The following SPACA7 variants were observed in gnomAD, a reference collection of about 807,000 sequenced individuals.
The protein encoded by SPACA7 is sperm acrosome associated 7, also known as sperm acrosome-associated protein 7.
Under a neutral mutation model 26.3 loss-of-function variants are expected in SPACA7, and 19 were observed. The ratio of observed to expected loss-of-function variants is 0.72; its 90% CI spans 0.50 to 1.06. SPACA7 has a LOEUF of 1.06. Among genes scored for constraint, SPACA7 ranks in the 50% least tolerant of loss-of-function variants. SPACA7 has a pLI of 0.00. For synonymous variants in SPACA7, 84 were observed against 84.5 expected (o/e 0.99, Z 0.04); for missense variants, 211 against 229.9 (o/e 0.92, Z 0.53).
intron 1 of SPACA7, among the ~76,000 whole-genome samples, chr13:112,382,833 C>CA (rs2138864221): frequency 6.6e-6 from 1 of 151,850 alleles, no homozygotes; most frequent in East Asian, 1.9e-4. Flanking sequence ...ACTAAAAACA[C>CA]AAAAAATTAG....
rs1468369827 is a variant in SPACA7, at chr13:112,393,073, A to G, written c.147A>G (p.Leu49=). The change falls in exon 2 of 7, where the codon TTA becomes TTG. Residue 49 remains leucine, a synonymous_variant. Coordinates refer to ENST00000283550, the MANE Select transcript of SPACA7 (RefSeq NM_145248.5). ...CAAAACAGGAGGATATGTCTGAATT[A>G]TTAGGTAAGGAAGCCCCTCCTATCA... ...FSSKQEDMSE[L]LDEILVQEIL... is the part of the protein sequence containing the mutation. 6.2e-7 allele frequency: 1 copy of G among 1,612,946 alleles called. No homozygotes were observed. Among genetic ancestry groups the G allele is most frequent in the Middle Eastern group, 1.7e-4 (1 of 6,060 alleles).
rs149656844 is a variant in SPACA7 at position 112,384,891 on chromosome 13, G to T, written c.95-8130G>T. On this transcript the variant is annotated intron_variant, in intron 1 of 6. Coordinates refer to ENST00000283550, the MANE Select transcript of SPACA7 (RefSeq NM_145248.5). ...GAAAACCAAATTTCATGTATGTATT[G>T]GTGCATTTTTAATGTTGAAGCTAGT... 3.3e-3 allele frequency among the ~76,000 whole-genome samples: 497 copies of T among 152,074 alleles called. 1 individual carries two copies. Among genetic ancestry groups the T allele is most frequent in the African/African-American group, 0.011 (474 of 41,494 alleles).
intron 1 of SPACA7, among the ~76,000 whole-genome samples, chr13:112,377,172 T>C (rs1883750228): frequency 6.6e-6 from 1 of 152,174 alleles, no homozygotes; most frequent in African/African-American, 2.4e-5. Flanking sequence ...CTAAACTGAT[T>C]CAGCAAAGGC....
intron 5 of SPACA7, among the ~76,000 whole-genome samples, chr13:112,405,950 C>T (rs1325553701): frequency 6.6e-6 from 1 of 152,106 alleles, no homozygotes; most frequent in African/African-American, 2.4e-5. Context: ...ATATTTCTTT[C>T]TCTGCCATAA....
chr13:112,382,150 G>A (rs1273536440), intron 1 of SPACA7: 2 of 337,126 alleles, frequency 5.9e-6, no homozygotes, highest in Non-Finnish European at 5.4e-6. Flanking sequence ...AAGCAAGAGG[G>A]AGTCAGTTAA....
intron 1 of SPACA7, among the ~76,000 whole-genome samples, chr13:112,379,158 C>A (rs1410170329): frequency 6.6e-6 from 1 of 152,146 alleles, no homozygotes; most frequent in Non-Finnish European, 1.5e-5. Context: ...ATCATTAATT[C>A]TTGTTCTACT....
chr13:112,434,548 G>C lies in SPACA7; in HGVS notation c.587G>C (p.Ter196SerextTer39). Residue 196 changes from the stop codon to serine (S), a stop_lost, in exon 7 of 7, where the codon TGA becomes TCA. Coordinates refer to ENST00000283550, the MANE Select transcript of SPACA7 (RefSeq NM_145248.5). ...SAQRRSQGSQ[*>S] Reference sequence around the variant, plus strand: ...CAGAGGAGGAGCCAAGGCAGTCAGTGAGGCCGCAGCCCCAGACCCCCTGCG... The same window carrying C: ...CAGAGGAGGAGCCAAGGCAGTCAGTCAGGCCGCAGCCCCAGACCCCCTGCG... The C allele has an allele frequency of 6.2e-7, 1 of 1,604,924 alleles. No individual in the cohort carries two copies.
chr13:112,382,551 GC>G, intron 1 of SPACA7: 2 of 1,543,424 alleles, frequency 1.3e-6, no homozygotes, highest in Non-Finnish European at 1.7e-6. Flanking sequence ...GGCGACACAT[GC>G]AGGCCTGGCT....
At chr13:112,432,310 A>C (rs1877231959) in intron 5 of SPACA7, 134 bp from the exon 6 acceptor site, 1 of 635,492 alleles carries the variant, frequency 1.6e-6, no homozygotes, top group Admixed American at 2.8e-5. Context: ...AAGCTGCAGC[A>C]CCTCACCCCG....
intron 5 of SPACA7, among the ~76,000 whole-genome samples, chr13:112,419,021 T>TAA (rs67747631): frequency 1.7e-3 from 240 of 144,436 alleles, no homozygotes; most frequent in Non-Finnish European, 2.1e-3. Flanking sequence ...AGACTCCATT[T>TAA]AAAAAAAAAA....
intron 1 of SPACA7, among the ~76,000 whole-genome samples, chr13:112,377,850 T>C (rs1883792232): frequency 1.3e-5 from 2 of 152,200 alleles, no homozygotes; most frequent in South Asian, 2.1e-4. Flanking sequence ...TAGTCGGGAA[T>C]TTAATGAGGG....
intron 6 of SPACA7, among the ~76,000 whole-genome samples, chr13:112,434,002 T>A (rs1877475290): frequency 6.6e-6 from 1 of 152,196 alleles, no homozygotes; most frequent in African/African-American, 2.4e-5. Context: ...CAGGGGCCTC[T>A]GCACTGATGA....
At chr13:112,396,758 G>A (rs1207223716) in intron 2 of SPACA7, among the ~76,000 whole-genome samples, 2 of 152,280 alleles carry the variant, frequency 1.3e-5, no homozygotes, top group East Asian at 3.9e-4. Flanking sequence ...GGGCACCCGC[G>A]GCTAAGAGGC....
At chr13:112,380,629 T>C (rs941468419) in intron 1 of SPACA7, among the ~76,000 whole-genome samples, 3 of 152,160 alleles carry the variant, frequency 2.0e-5, no homozygotes, top group Admixed American at 2.0e-4. Context: ...TCCATACTAA[T>C]TTACGCATTT....
At chr13:112,426,651 T>C (rs1876563934) in intron 5 of SPACA7, among the ~76,000 whole-genome samples, 1 of 152,230 alleles carries the variant, frequency 6.6e-6, no homozygotes, top group Admixed American at 6.5e-5. Context: ...GTTACTGATA[T>C]TATTATAAAT....
chr13:112,382,090 G>C (rs2138861178), intron 1 of SPACA7, among the ~76,000 whole-genome samples: 1 of 152,308 alleles, frequency 6.6e-6, no homozygotes, highest in Non-Finnish European at 1.5e-5. Flanking sequence ...TTTCTCCCAA[G>C]GTTAGTTCAG....
intron 1 of SPACA7, among the ~76,000 whole-genome samples, chr13:112,383,122 A>AAG (rs1566453024): frequency 3.2e-4 from 1 of 3,078 alleles, no homozygotes; most frequent in African/African-American, 6.8e-4. Flanking sequence ...AAAGAAAAGA[A>AAG]AAGAAAGAAA....
chr13:112,403,514 G>C (rs1047536124), intron 5 of SPACA7, among the ~76,000 whole-genome samples: 1 of 151,902 alleles, frequency 6.6e-6, no homozygotes, highest in Non-Finnish European at 1.5e-5. Flanking sequence ...AGATTTTGGC[G>C]CACCCATCAT....
intron 1 of SPACA7, chr13:112,382,546 C>A (rs558863285): frequency 4.1e-5 from 63 of 1,545,848 alleles, no homozygotes; most frequent in Non-Finnish European, 5.3e-5. Context: ...ATCTGGGCGA[C>A]ACATGCAGGC....
Sources: allele counts gnomAD v4.1 joint callset (sites outside exome capture counted in the v4.1 genomes callset), GRCh38; gene constraint gnomAD v4.1.1; transcripts MANE v1.5; gene names NCBI Gene and HGNC (gene_info 2026-07-23, HGNC 2026-07-21).